Variants in PDE4D observed in about 807,000 individuals in gnomAD.
The protein encoded by PDE4D is 3',5'-cyclic-AMP phosphodiesterase 4D.
A neutral mutation model predicts 87.4 loss-of-function variants in PDE4D; 24 were observed. The ratio of observed to expected loss-of-function variants is 0.27; its 90% CI spans 0.20 to 0.39. The LOEUF is 0.39. Ranked by LOEUF, PDE4D falls within the 10% of genes least tolerant of loss-of-function variation. PDE4D has a pLI of 1.00. For missense variants in PDE4D, 714 were observed against 1,041.0 expected, an observed-to-expected ratio of 0.69 and a Z score of 4.32; for synonymous variants, 384 against 383.2, an observed-to-expected ratio of 1.00 and a Z score of -0.02.
chr5:59,757,175 G>A (rs1257292454), intron 1 of PDE4D, among the ~76,000 whole-genome samples: 1 of 152,090 alleles, frequency 6.6e-6, no homozygotes, highest in Non-Finnish European at 1.5e-5. Context: ...GCATAACATA[G>A]AAAATGACAA....
chr5:60,075,062 AC>A (rs1773142605), intron 2 of PDE4D, among the ~76,000 whole-genome samples: 1 of 152,196 alleles, frequency 6.6e-6, no homozygotes, highest in Non-Finnish European at 1.5e-5. Flanking sequence ...TTAGGTGGTT[AC>A]TATGCAGACT....
chr5:60,476,252 G>T (rs1748311959), intron 1 of PDE4D, among the ~76,000 whole-genome samples: 1 of 152,156 alleles, frequency 6.6e-6, no homozygotes, highest in African/African-American at 2.4e-5. Flanking sequence ...AAGTAACTGA[G>T]ATGTCACCGG....
At chr5:60,291,527 A>G (rs1197875032) in intron 1 of PDE4D, among the ~76,000 whole-genome samples, 1 of 152,062 alleles carries the variant, frequency 6.6e-6, no homozygotes, top group Admixed American at 6.6e-5. Flanking sequence ...AATATAACGA[A>G]CAAATATAAC....
chr5:59,239,752 C>T (rs539777121), intron 1 of PDE4D, among the ~76,000 whole-genome samples: 1 of 152,260 alleles, frequency 6.6e-6, no homozygotes, highest in African/African-American at 2.4e-5. Flanking sequence ...GCAAAAACTA[C>T]ATGCACTTTG....
intron 1 of PDE4D, among the ~76,000 whole-genome samples, chr5:59,739,130 G>T (rs1371926108): frequency 1.3e-5 from 2 of 152,052 alleles, no homozygotes; most frequent in Admixed American, 1.3e-4. Flanking sequence ...AAAGTGTGAG[G>T]GAGAAAGGGC....
At chr5:59,725,825 G>GTT (rs142359312) in intron 1 of PDE4D, among the ~76,000 whole-genome samples, 17 of 151,594 alleles carry the variant, frequency 1.1e-4, no homozygotes, top group South Asian at 2.1e-4. Flanking sequence ...AAAGTTAGTT[G>GTT]TTTTTTTTCA....
chr5:59,337,323 T>TC (rs765153967), intron 1 of PDE4D, among the ~76,000 whole-genome samples: 9,744 of 122,182 alleles, frequency 0.08, 437 homozygotes, highest in Middle Eastern at 0.14. Context: ...ATTCATAAGT[T>TC]CCCCCCCCCC....
intron 1 of PDE4D, among the ~76,000 whole-genome samples, chr5:59,298,403 C>G (rs1581825973): frequency 1.3e-5 from 2 of 152,256 alleles, no homozygotes; most frequent in East Asian, 1.9e-4. Context: ...GTGTGAGCCA[C>G]CGTGCCTGGC....
At chr5:59,929,689 C>T (rs1016713328) in intron 3 of PDE4D, among the ~76,000 whole-genome samples, 11 of 152,164 alleles carry the variant, frequency 7.2e-5, no homozygotes, top group Non-Finnish European at 4.4e-5. Context: ...ACTTCTTATA[C>T]ATACTTATTT....
At chr5:60,507,449 A>G (rs1750374090) in intron 1 of PDE4D, among the ~76,000 whole-genome samples, 1 of 152,190 alleles carries the variant, frequency 6.6e-6, no homozygotes, top group South Asian at 2.1e-4. Flanking sequence ...AAATGCTATA[A>G]ATATCTTTAT....
At chr5:59,400,740 AAAAAT>A (rs963208208) in intron 1 of PDE4D, among the ~76,000 whole-genome samples, 24 of 52,294 alleles carry the variant, frequency 4.6e-4, no homozygotes, top group Admixed American at 2.8e-3. Flanking sequence ...TAATAATAAA[AAAAAT>A]AAAAAAATAA....
At chr5:59,296,542 C>G (rs1253092117) in intron 1 of PDE4D, among the ~76,000 whole-genome samples, 1 of 152,102 alleles carries the variant, frequency 6.6e-6, no homozygotes, top group Non-Finnish European at 1.5e-5. Context: ...TATTCAATAC[C>G]TACTGTCCAC....
chr5:60,216,514 A>G (rs1252200298), intron 1 of PDE4D, among the ~76,000 whole-genome samples: 1 of 152,146 alleles, frequency 6.6e-6, no homozygotes, highest in East Asian at 1.9e-4. Context: ...CATAGATTAA[A>G]AAACAGAATC....
rs931171837 is a variant in PDE4D, at chr5:59,081,778, C to T, written c.809-42807G>A. On this transcript the variant is annotated intron_variant, in intron 5 of 14. Transcript: ENST00000340635. ...AGTTGAGCCCACACCATTTATCCTG[C>T]CACTTAACAATGTCCTTAATGTAGA... Among the ~76,000 whole-genome samples the T allele has an allele frequency of 6.6e-5, 10 of 152,254 alleles. No individual in the cohort carries two copies. The South Asian group carries it at 2.1e-3, about 32-fold the overall frequency.
chr5:60,068,413 T>C (rs910250236), intron 2 of PDE4D, among the ~76,000 whole-genome samples: 9 of 143,576 alleles, frequency 6.3e-5, no homozygotes, highest in African/African-American at 2.3e-4. Context: ...CATGTTTAAA[T>C]CAGGTTATTT....
chr5:60,159,983 C>T (rs562215963), intron 2 of PDE4D, among the ~76,000 whole-genome samples: 1 of 152,266 alleles, frequency 6.6e-6, no homozygotes, highest in Admixed American at 6.5e-5. Flanking sequence ...GGCCAACTTA[C>T]ATGCAGATTT....
chr5:60,341,568 G>C (rs146616792), intron 1 of PDE4D, among the ~76,000 whole-genome samples: 18 of 152,276 alleles, frequency 1.2e-4, no homozygotes, highest in Admixed American at 9.8e-4. Context: ...AAAGATTGTA[G>C]ACAAGCCAAA....
At chr5:59,455,721 G>A (rs1212043754) in intron 1 of PDE4D, among the ~76,000 whole-genome samples, 3 of 152,240 alleles carry the variant, frequency 2.0e-5, no homozygotes, top group East Asian at 1.9e-4. Flanking sequence ...ACACCAGCCT[G>A]TGAAAACAGC....
intron 1 of PDE4D, among the ~76,000 whole-genome samples, chr5:60,507,808 GAAAATTTATGAGCTTCCTTCTATA>G: frequency 6.6e-6 from 1 of 152,204 alleles, no homozygotes; most frequent in Non-Finnish European, 1.5e-5. Context: ...AGAATCACAT[GAAAATTTATGAGCTTCCTTCTATA>G]AAAATATTCA....
Sources: gnomAD v4.1 joint callset for allele counts (sites outside exome capture counted in the v4.1 genomes callset) on GRCh38, gnomAD v4.1.1 for gene constraint, MANE v1.5 for transcripts, NCBI Gene and HGNC (gene_info 2026-07-23, HGNC 2026-07-21) for gene names.